The following PRKAB2 variants were observed in gnomAD, a reference collection of about 807,000 sequenced individuals.
PRKAB2 encodes protein kinase AMP-activated non-catalytic subunit beta 2.
Under a neutral mutation model 29.8 loss-of-function variants are expected in PRKAB2, and 18 were observed. The ratio of observed to expected loss-of-function variants is 0.60; its 90% confidence interval spans 0.42 to 0.89. PRKAB2 has a LOEUF of 0.89. PRKAB2 is among the 40% of genes least tolerant of loss of function. The pLI is 0.00. For missense variants in PRKAB2, 270 were observed against 344.3 expected, an observed-to-expected ratio of 0.78 and a Z score of 1.71; for synonymous variants, 136 against 125.9, an observed-to-expected ratio of 1.08 and a Z score of -0.54.
intron 7 of PRKAB2, 21 bp from the exon 8 acceptor site, chr1:147,159,663 C>G (rs1252804539): frequency 6.2e-7 from 1 of 1,607,312 alleles, no homozygotes; most frequent in Non-Finnish European, 8.5e-7. Context: ...AAGAAACATA[C>G]GCAGCTAATT....
At chr1:147,169,580 GA>G (rs1323946851) in intron 2 of PRKAB2, among the ~76,000 whole-genome samples, 2 of 151,994 alleles carry the variant, frequency 1.3e-5, no homozygotes, top group African/African-American at 4.8e-5. Context: ...AAATAACAAA[GA>G]AAAAACCCTC....
rs901277426 is a variant in PRKAB2 at position 147,156,322 on chromosome 1, T to C, written c.*3243A>G. On this transcript the variant is annotated 3_prime_UTR_variant, in exon 8 of 8. Coordinates refer to ENST00000254101, the MANE Select transcript of PRKAB2 (RefSeq NM_005399.5). ...AAGGAGTTCTATTAGTATGTCTTCT[T>C]CATTTATATCCCAGATTAATATAAA... 1 of 152,598 alleles carries C rather than the reference T, an allele frequency of 6.6e-6. No homozygotes were observed. Among genetic ancestry groups the C allele is most frequent in the Non-Finnish European group, 1.5e-5 (1 of 68,032 alleles). The allele number at this position is 152,598 out of a possible 1,614,324, so 9.5% of individuals were successfully genotyped here. A position where few individuals can be genotyped will look rare whatever the true frequency, so the allele number is the denominator to read the frequency against.
chr1:147,172,208 G>T, intron 1 of PRKAB2, 41 bp from the exon 2 acceptor site: 1 of 1,469,062 alleles, frequency 6.8e-7, no homozygotes, highest in Non-Finnish European at 9.0e-7. Context: ...CACCTCAGCC[G>T]CCGCGTCAGG....
chr1:147,162,322 T>C (rs1654011551), intron 6 of PRKAB2, 118 bp downstream of exon 6: 1 of 1,050,278 alleles, frequency 9.5e-7, no homozygotes, highest in South Asian at 1.8e-5. Context: ...TATTGGTATG[T>C]GTATGACTTA....
intron 2 of PRKAB2, among the ~76,000 whole-genome samples, chr1:147,170,579 G>C: frequency 6.7e-6 from 1 of 149,708 alleles, no homozygotes; most frequent in African/African-American, 2.5e-5. Context: ...ATTATGGTTG[G>C]TTTTTTTGTT....
chr1:147,167,727 C>CT, intron 3 of PRKAB2, 40 bp downstream of exon 3: 1 of 1,586,192 alleles, frequency 6.3e-7, no homozygotes, highest in Non-Finnish European at 8.6e-7. Flanking sequence ...AATCAGGTCT[C>CT]TATTCCTGGA....
chr1:147,162,783 T>A (rs1214539176), intron 5 of PRKAB2, among the ~76,000 whole-genome samples: 1 of 152,050 alleles, frequency 6.6e-6, no homozygotes, highest in Admixed American at 6.6e-5. Context: ...CATAGCAACA[T>A]GATTTGGGAG....
chr1:147,172,198 C>T (rs962691152), intron 1 of PRKAB2, 31 bp from the exon 2 acceptor site: 7 of 1,488,280 alleles, frequency 4.7e-6, no homozygotes, highest in Non-Finnish European at 6.2e-6. Flanking sequence ...GGGCTGGGAA[C>T]ACCTCAGCCG....
At position 147,161,719 on chromosome 1, in the gene PRKAB2, G is replaced by C; in HGVS notation, c.734C>G (p.Ser245Cys). 3 of 1,612,148 alleles carry C rather than the reference G, an allele frequency of 1.9e-6. No homozygotes were observed. In the South Asian group the frequency reaches 3.3e-5, roughly 18 times the overall value. ...HVMLNHLYAL[S>C]IKDSVMVLSA... Reference sequence around the variant, plus strand: ...GCCAGGGCCACCACTTACCTTAATGGACAATGCATAGAGATGGTTCAGCAT... The same window carrying C: ...GCCAGGGCCACCACTTACCTTAATGCACAATGCATAGAGATGGTTCAGCAT... The change falls in exon 7 of 8, where the codon TCC (serine) becomes TGC (cysteine). Residue 245 changes from serine (S) to cysteine (C), a missense_variant. By Grantham distance (112) the Ser-to-Cys change is moderately radical. Transcript: ENST00000254101.
intron 1 of PRKAB2, 29 bp downstream of exon 1, chr1:147,172,400 A>G: frequency 1.8e-6 from 1 of 547,268 alleles, no homozygotes; most frequent in South Asian, 2.5e-5. Flanking sequence ...CCCCGCGCTC[A>G]CTGCCAGGGG....
intron 5 of PRKAB2, 72 bp from the exon 6 acceptor site, chr1:147,162,645 A>G (rs1179644373): frequency 1.4e-6 from 2 of 1,414,784 alleles, no homozygotes; most frequent in African/African-American, 2.9e-5. Context: ...AGCTATCAAT[A>G]CATGGCAGCT....
intron 7 of PRKAB2, among the ~76,000 whole-genome samples, chr1:147,160,201 C>A (rs1653886873): frequency 6.6e-6 from 1 of 152,160 alleles, no homozygotes; most frequent in Admixed American, 6.6e-5. Context: ...ACCTAGGAAT[C>A]CCTCTCTATC....
Position 147,159,577 on chromosome 1 carries a change from G to C in PRKAB2, c.807C>G (p.Tyr269Ter), listed in dbSNP as rs1571051182. The C allele has an allele frequency of 6.2e-7, 1 of 1,613,272 alleles. No homozygotes were observed. The highest frequency in any genetic ancestry group is 8.5e-7 in the Non-Finnish European group (1 of 1,179,450). ...AGAAGGGATCCCTTCAAATGGGCTT[G>C]TATAGCAGAGTAGTAACATACTTCT... is the stretch of plus-strand genomic sequence containing the variant. ...YKKKYVTTLL[Y>*]KPI Residue 269 changes from tyrosine to a stop codon, truncating the protein, a stop_gained, in exon 8 of 8, where the codon TAC (tyrosine) becomes TAG (stop). Coordinates refer to ENST00000254101, the MANE Select transcript of PRKAB2 (RefSeq NM_005399.5). LOFTEE classifies it high-confidence loss of function.
Position 147,169,121 on chromosome 1 carries a change from A to G in PRKAB2, c.157-1188T>C, listed in dbSNP as rs868956278. On this transcript the variant is annotated intron_variant, in intron 2 of 7. Coordinates refer to ENST00000254101, the MANE Select transcript of PRKAB2 (RefSeq NM_005399.5). ...CCCCTATTTTAGACTGGTTTAAGTG[A>G]CTTTGGTAAATAAGACTGTATAGTA... Among the ~76,000 whole-genome samples the G allele has an allele frequency of 4.6e-5, 7 of 152,318 alleles. No homozygotes were observed. In the South Asian group the frequency reaches 8.3e-4, roughly 18 times the overall value.
intron 2 of PRKAB2, among the ~76,000 whole-genome samples, chr1:147,171,584 C>G (rs72708503): frequency 0.037 from 5,606 of 152,304 alleles, 149 homozygotes; most frequent in South Asian, 0.095. Context: ...TTAGCCACCT[C>G]AGGGCAAAGG....
At chr1:147,172,294 G>T in intron 1 of PRKAB2, 127 bp from the exon 2 acceptor site, 1 of 1,109,078 alleles carries the variant, frequency 9.0e-7, no homozygotes, top group Non-Finnish European at 1.2e-6. Flanking sequence ...GAGCCCTGGA[G>T]CCCTCTCCCT....
chr1:147,167,032 T>C (rs1654285160), intron 3 of PRKAB2, 93 bp from the exon 4 acceptor site: 2 of 1,039,730 alleles, frequency 1.9e-6, no homozygotes, highest in Non-Finnish European at 2.9e-6. Context: ...ATATGAATAA[T>C]TTCCCAGATT....
At chr1:147,169,909 C>T (rs1654433604) in intron 2 of PRKAB2, among the ~76,000 whole-genome samples, 1 of 152,196 alleles carries the variant, frequency 6.6e-6, no homozygotes, top group Non-Finnish European at 1.5e-5. Flanking sequence ...AAGTAGGCCC[C>T]CCTGCCACTG....
rs781947523 is a variant in PRKAB2 at position 147,155,269 on chromosome 1, T to C, written c.*4296A>G. On this transcript the variant is annotated 3_prime_UTR_variant, in exon 8 of 8. Transcript: ENST00000254101. ...TTGTCTGCCACTCCTTTATGAAATA[T>C]TGAAAAGCAGCTCTGTACCTCAGCA... is the stretch of plus-strand genomic sequence containing the variant. 6.6e-6 allele frequency: 1 copy of C among 152,578 alleles called. No homozygotes were observed. Among genetic ancestry groups the C allele is most frequent in the Non-Finnish European group, 1.5e-5 (1 of 68,012 alleles). The allele number at this position is 152,578 out of a possible 1,614,324, so 9.5% of individuals were successfully genotyped here.
Sources: allele counts gnomAD v4.1 joint callset (sites outside exome capture counted in the v4.1 genomes callset), GRCh38; gene constraint gnomAD v4.1.1; transcripts MANE v1.5; gene names NCBI Gene and HGNC (gene_info 2026-07-23, HGNC 2026-07-21).